The following ARAP2 variants were observed in gnomAD, a reference collection of about 807,000 sequenced individuals.
The protein encoded by ARAP2 is arf-GAP with Rho-GAP domain, ANK repeat and PH domain-containing protein 2.
Under a neutral mutation model 194.5 loss-of-function variants are expected in ARAP2, and 148 were observed. The ratio of observed to expected loss-of-function variants is 0.76; its 90% CI spans 0.67 to 0.87. The LOEUF is 0.87. Among genes scored for constraint, ARAP2 ranks in the 40% least tolerant of loss-of-function variants. The probability of loss-of-function intolerance (pLI) is 0.00; values close to 1 mark genes in which losing one functional copy is unlikely to be tolerated. For synonymous variants in ARAP2, 695 were observed against 683.5 expected (o/e 1.02, Z -0.26); for missense variants, 2,128 against 1,989.7 (o/e 1.07, Z -1.32).
chr4:36,086,793 C>T (rs1711979248), intron 28 of ARAP2, among the ~76,000 whole-genome samples: 1 of 152,026 alleles, frequency 6.6e-6, no homozygotes, highest in Non-Finnish European at 1.5e-5. Flanking sequence ...TTAATGATCC[C>T]CTTTACCCAT....
chr4:36,067,225 T>G lies in ARAP2; in HGVS notation c.*682A>C, dbSNP rs1275235257. On this transcript the variant is annotated 3_prime_UTR_variant, in exon 33 of 33. Coordinates refer to ENST00000303965, the MANE Select transcript of ARAP2 (RefSeq NM_015230.4). ...AATAAGAGTGGCTAGTGCTATTATTTACATCTGTTGGCCGAATATTACTCT... is the reference window on the plus strand; with the variant it reads ...AATAAGAGTGGCTAGTGCTATTATTGACATCTGTTGGCCGAATATTACTCT... 1 of 152,606 alleles carries G rather than the reference T, an allele frequency of 6.6e-6. No individual in the cohort carries two copies. The highest frequency in any genetic ancestry group is 1.9e-4 in the East Asian group (1 of 5,192). 9.5% of individuals were successfully genotyped at this position (152,606 alleles called of 1,614,324 possible). A position where few individuals can be genotyped will look rare whatever the true frequency, so the allele number is the denominator to read the frequency against.
intron 31 of ARAP2, among the ~76,000 whole-genome samples, chr4:36,076,429 T>C (rs1464069779): frequency 1.3e-5 from 2 of 152,114 alleles, no homozygotes; most frequent in South Asian, 4.1e-4. Flanking sequence ...TTCACCTCTA[T>C]CTAGTCACAA....
intron 25 of ARAP2, among the ~76,000 whole-genome samples, chr4:36,115,899 A>G (rs1721205124): frequency 6.6e-6 from 1 of 152,034 alleles, no homozygotes. Flanking sequence ...ACCGGATAAC[A>G]TAAGAACATG....
chr4:36,078,046 TCTC>T (rs1448106008), intron 31 of ARAP2, among the ~76,000 whole-genome samples: 2 of 152,190 alleles, frequency 1.3e-5, no homozygotes, highest in African/African-American at 2.4e-5. Flanking sequence ...ATTTTATGAT[TCTC>T]CTATTTTATC....
At chr4:36,075,177 C>T (rs1727983636) in intron 31 of ARAP2, among the ~76,000 whole-genome samples, 1 of 152,064 alleles carries the variant, frequency 6.6e-6, no homozygotes, top group Non-Finnish European at 1.5e-5. Context: ...TTGTGAATTA[C>T]CCTTACACTT....
intron 15 of ARAP2, among the ~76,000 whole-genome samples, chr4:36,155,647 A>T (rs914057579): frequency 1.4e-5 from 2 of 147,326 alleles, no homozygotes; most frequent in African/African-American, 5.1e-5. Flanking sequence ...TTTATTTTTT[A>T]TTTATTTTTT....
Position 36,161,506 on chromosome 4 carries a change from G to A in ARAP2, c.2218C>T (p.Leu740=), listed in dbSNP as rs16991960. Residue 740 remains leucine, a synonymous_variant, in exon 12 of 33, where the codon CTA becomes TTA. Coordinates refer to ENST00000303965, the MANE Select transcript of ARAP2 (RefSeq NM_015230.4). ...LGPKDSKVRS[L]KMDASIWSNE... ...CTCCAAATGCTAGCATCCATTTTTA[G>A]ACTTCTAACCTTGGAATCTTTTGGT... 0.032 allele frequency: 52,440 copies of A among 1,613,594 alleles called. 1,762 individuals carry two copies. The highest frequency in any genetic ancestry group is 0.16 in the Admixed American group (9,658 of 59,988).
chr4:36,229,775 T>C, intron 1 of ARAP2, 130 bp from the exon 2 acceptor site: 1 of 249,882 alleles, frequency 4.0e-6, no homozygotes, highest in Non-Finnish European at 7.7e-6. Flanking sequence ...TCTTTGTGCA[T>C]TGCTTTGCAT....
At chr4:36,244,609 T>C (rs940266665), upstream of ARAP2, 4 of 151,404 alleles carry the variant, frequency 2.6e-5, no homozygotes, top group African/African-American at 4.8e-5. Context: ...TTCCGCAGCA[T>C]AGTTGGGTGA....
intron 1 of ARAP2, among the ~76,000 whole-genome samples, chr4:36,231,023 C>T (rs560977320): frequency 6.6e-6 from 1 of 152,224 alleles, no homozygotes; most frequent in African/African-American, 2.4e-5. Context: ...ACCTAAAATG[C>T]TAAAATGTCA....
chr4:36,145,307 G>A (rs1205690103), intron 19 of ARAP2, among the ~76,000 whole-genome samples: 2 of 151,924 alleles, frequency 1.3e-5, no homozygotes, highest in African/African-American at 4.8e-5. Context: ...GACGGGCTAA[G>A]GAAAATGTCG....
At chr4:36,150,154 A>C (rs1377420123) in intron 16 of ARAP2, among the ~76,000 whole-genome samples, 1 of 152,184 alleles carries the variant, frequency 6.6e-6, no homozygotes. Flanking sequence ...CTCTTTAAGA[A>C]ATTTAGCATT....
chr4:36,016,049 A>G (rs1231255149), intron 6 of ARAP2: 1 of 152,186 alleles, frequency 6.6e-6, no homozygotes, highest in Non-Finnish European at 1.5e-5. Context: ...AAATCAATTT[A>G]AAGTCTGCCA....
intron 26 of ARAP2, among the ~76,000 whole-genome samples, chr4:36,111,895 T>C (rs1720084311): frequency 6.6e-6 from 1 of 151,944 alleles, no homozygotes; most frequent in East Asian, 1.9e-4. Context: ...TACTCAAACT[T>C]TGAGAGGGCA....
At chr4:36,061,526 G>A (rs188770617), downstream of ARAP2, among the ~76,000 whole-genome samples, 11 of 152,172 alleles carry the variant, frequency 7.2e-5, no homozygotes, top group South Asian at 2.1e-4. Flanking sequence ...TGGATGAATC[G>A]CACGCCATTG....
chr4:36,083,257 C>A, intron 29 of ARAP2, 111 bp downstream of exon 29: 1 of 813,388 alleles, frequency 1.2e-6, no homozygotes, highest in East Asian at 2.8e-5. Flanking sequence ...AAAAAATAGC[C>A]TAAAACTTAC....
At chr4:36,175,640 GGT>G (rs373905800) in intron 9 of ARAP2, among the ~76,000 whole-genome samples, 10 of 151,944 alleles carry the variant, frequency 6.6e-5, no homozygotes, top group South Asian at 4.2e-4. Flanking sequence ...ACATTTTAAA[GGT>G]GTGTGTGTGT....
Position 36,229,567 on chromosome 4 carries a change from G to A in ARAP2, c.-81C>T. On this transcript the variant is annotated 5_prime_UTR_variant, in exon 2 of 33. Coordinates refer to ENST00000303965, the MANE Select transcript of ARAP2 (RefSeq NM_015230.4). The stretch of plus-strand genomic sequence containing the variant: ...CACAAGAAGATGTACTTCTCTACTG[G>A]CTTTTCCTCTATCAATTGTGACAGA... 1 of 1,097,292 alleles carries A rather than the reference G, an allele frequency of 9.1e-7. No homozygotes were observed. 68.0% of individuals were successfully genotyped at this position (1,097,292 alleles called of 1,614,324 possible).
chr4:36,115,394 C>T (rs1721077750), intron 25 of ARAP2, among the ~76,000 whole-genome samples: 1 of 151,936 alleles, frequency 6.6e-6, no homozygotes, highest in Non-Finnish European at 1.5e-5. Context: ...TGTTGATATG[C>T]ATGAACAAAC....
Sources: gnomAD v4.1 joint callset for allele counts (sites outside exome capture counted in the v4.1 genomes callset) on GRCh38, gnomAD v4.1.1 for gene constraint, MANE v1.5 for transcripts, NCBI Gene and HGNC (gene_info 2026-07-23, HGNC 2026-07-21) for gene names.